The following THSD7B variants were observed in gnomAD, a reference collection of about 807,000 sequenced individuals.
THSD7B encodes thrombospondin type 1 domain containing 7B.
THSD7B carries 138 observed loss-of-function variants against 213.6 expected under a neutral mutation model. The observed-to-expected ratio is 0.65, with a 90% CI of 0.56 to 0.74. The LOEUF is 0.74. Among genes scored for constraint, THSD7B ranks in the 30% least tolerant of loss-of-function variants. The pLI is 0.00. For missense variants in THSD7B, 1,931 were observed against 1,991.5 expected (o/e 0.97, Z 0.58); for synonymous variants, 742 against 687.0 (o/e 1.08, Z -1.25).
At chr2:137,600,114 C>G (rs555157537) in intron 17 of THSD7B, among the ~76,000 whole-genome samples, 2 of 152,092 alleles carry the variant, frequency 1.3e-5, no homozygotes. Flanking sequence ...CATGCACACA[C>G]GCACACAGAG....
chr2:137,502,419 AAAAC>A (rs975085264), intron 15 of THSD7B, among the ~76,000 whole-genome samples: 2 of 152,102 alleles, frequency 1.3e-5, no homozygotes, highest in African/African-American at 2.4e-5. Context: ...AAAAGAGAGA[AAAAC>A]AACGAGAGGG....
At chr2:136,989,645 T>G (rs1485106103) in intron 2 of THSD7B, among the ~76,000 whole-genome samples, 2 of 152,182 alleles carry the variant, frequency 1.3e-5, no homozygotes, top group Non-Finnish European at 2.9e-5. Context: ...ACACAGTATG[T>G]TCCAAAGACT....
intron 1 of THSD7B, among the ~76,000 whole-genome samples, chr2:136,785,774 A>G (rs1681833195): frequency 6.6e-6 from 1 of 152,230 alleles, no homozygotes; most frequent in Non-Finnish European, 1.5e-5. Flanking sequence ...AGAATGCCTC[A>G]CTTGATACCC....
chr2:137,389,402 ATTTTTTTTT>A (rs70978214), intron 12 of THSD7B, among the ~76,000 whole-genome samples: 26 of 38,080 alleles, frequency 6.8e-4, no homozygotes, highest in Admixed American at 8.8e-4. Flanking sequence ...TCTTAATGTG[ATTTTTTTTT>A]TTTTTTTTTT....
intron 3 of THSD7B, among the ~76,000 whole-genome samples, chr2:137,075,549 G>T (rs868788475): frequency 1.3e-5 from 2 of 152,060 alleles, no homozygotes; most frequent in Non-Finnish European, 2.9e-5. Flanking sequence ...CTGTAGCTCG[G>T]AGTAGTTTGA....
chr2:136,909,060 G>A (rs1482354549), intron 2 of THSD7B, among the ~76,000 whole-genome samples: 1 of 152,102 alleles, frequency 6.6e-6, no homozygotes, highest in Non-Finnish European at 1.5e-5. Flanking sequence ...GCATGTCCCT[G>A]TAGTCCCAGC....
At position 137,305,517 on chromosome 2, in the gene THSD7B, T is replaced by C. The variant is rs548691880; in HGVS notation, c.2500+29491T>C. Among the ~76,000 whole-genome samples the C allele has an allele frequency of 2.6e-5, 4 of 152,212 alleles. No individual in the cohort carries two copies. In the East Asian group the frequency reaches 7.7e-4, roughly 29 times the overall value. The stretch of plus-strand genomic sequence containing the variant: ...GCTTAGAAGGGTATCTTGAATAAGC[T>C]GGGGCTTCTTTCAGAGTTAAACATA... On this transcript the variant is annotated intron_variant, in intron 12 of 27. Transcript: ENST00000409968.
chr2:137,314,408 CT>C (rs1219913464), intron 12 of THSD7B, among the ~76,000 whole-genome samples: 1 of 152,142 alleles, frequency 6.6e-6, no homozygotes, highest in African/African-American at 2.4e-5. Context: ...ATACATTCTT[CT>C]AAATTTTTTT....
At chr2:137,239,972 G>A (rs1035570239) in intron 9 of THSD7B, among the ~76,000 whole-genome samples, 1 of 152,134 alleles carries the variant, frequency 6.6e-6, no homozygotes, top group Non-Finnish European at 1.5e-5. Context: ...GCTACTTGGT[G>A]TCTCTTTTTG....
At chr2:136,799,642 C>T in intron 1 of THSD7B, among the ~76,000 whole-genome samples, 1 of 151,952 alleles carries the variant, frequency 6.6e-6, no homozygotes, top group Non-Finnish European at 1.5e-5. Flanking sequence ...CACAGACACA[C>T]ATCCAAAAAC....
intron 1 of THSD7B, among the ~76,000 whole-genome samples, chr2:136,807,601 G>A (rs1015819135): frequency 7.0e-6 from 1 of 142,534 alleles, no homozygotes; most frequent in East Asian, 2.2e-4. Context: ...CTGCCTCCCG[G>A]GTTCACGCCA....
At chr2:137,245,820 C>T (rs1177501363) in intron 10 of THSD7B, among the ~76,000 whole-genome samples, 1 of 152,128 alleles carries the variant, frequency 6.6e-6, no homozygotes, top group Non-Finnish European at 1.5e-5. Flanking sequence ...GAGTGTCCTT[C>T]AACAGACTTT....
chr2:137,416,535 T>C (rs1296705437), intron 14 of THSD7B, among the ~76,000 whole-genome samples: 1 of 152,248 alleles, frequency 6.6e-6, no homozygotes, highest in Non-Finnish European at 1.5e-5. Flanking sequence ...TTGAAATTCA[T>C]GATTGTATCA....
At chr2:137,181,363 A>G (rs1680452241) in intron 7 of THSD7B, among the ~76,000 whole-genome samples, 4 of 152,186 alleles carry the variant, frequency 2.6e-5, no homozygotes. Flanking sequence ...GCAAAATTCG[A>G]TACACCAAAG....
chr2:136,932,914 A>C (rs1045288547), intron 2 of THSD7B, among the ~76,000 whole-genome samples: 1 of 152,164 alleles, frequency 6.6e-6, no homozygotes, highest in Non-Finnish European at 1.5e-5. Context: ...GGAGGAGGTA[A>C]TGTTCCAGAA....
At chr2:136,916,307 G>T (rs1684347211) in intron 2 of THSD7B, among the ~76,000 whole-genome samples, 1 of 152,122 alleles carries the variant, frequency 6.6e-6, no homozygotes, top group Admixed American at 6.5e-5. Context: ...CCGGTCTACT[G>T]GTTCAGATTG....
intron 15 of THSD7B, among the ~76,000 whole-genome samples, chr2:137,556,482 A>C (rs1173508316): frequency 2.0e-5 from 3 of 152,130 alleles, no homozygotes; most frequent in African/African-American, 4.8e-5. Context: ...CTTTACAGAC[A>C]AGCAAATGCT....
At chr2:137,576,917 T>C (rs1681475720) in intron 17 of THSD7B, among the ~76,000 whole-genome samples, 1 of 151,980 alleles carries the variant, frequency 6.6e-6, no homozygotes, top group African/African-American at 2.4e-5. Context: ...TAAATTATGT[T>C]TCAGGGAAGC....
chr2:137,414,591 A>G (rs996582552), intron 14 of THSD7B, among the ~76,000 whole-genome samples: 16 of 152,046 alleles, frequency 1.1e-4, no homozygotes, highest in Non-Finnish European at 1.6e-4. Context: ...GGTAGCATGC[A>G]TCTGTGGTCC....
Sources: allele counts gnomAD v4.1 joint callset (sites outside exome capture counted in the v4.1 genomes callset), GRCh38; gene constraint gnomAD v4.1.1; transcripts MANE v1.5; gene names NCBI Gene and HGNC (gene_info 2026-07-23, HGNC 2026-07-21).